EIF2AK4: variants seen among roughly 807,000 people sequenced by gnomAD.
EIF2AK4 encodes the protein eukaryotic translation initiation factor 2 alpha kinase 4, also known as eIF-2-alpha kinase GCN2.
Under a neutral mutation model 211.1 loss-of-function variants are expected in EIF2AK4, and 139 were observed. The observed-to-expected ratio is 0.66, with a 90% CI of 0.57 to 0.76. The LOEUF (loss-of-function observed/expected upper bound fraction) is 0.76, where lower values mean the gene tolerates loss of function less well. EIF2AK4 is among the 30% of genes least tolerant of loss of function. The pLI, the probability that EIF2AK4 is intolerant of heterozygous loss-of-function variation, is 0.00. For missense variants in EIF2AK4, 1,664 were observed against 2,043.8 expected (o/e 0.81, Z 3.58); for synonymous variants, 710 against 751.3 (o/e 0.94, Z 0.90).
intron 33 of EIF2AK4, among the ~76,000 whole-genome samples, chr15:40,027,669 T>A (rs2035482072): frequency 6.6e-6 from 1 of 152,032 alleles, no homozygotes; most frequent in East Asian, 1.9e-4. Context: ...GAAGGGGGGA[T>A]CATGAGGTCA....
chr15:39,983,406 T>C (rs1032592333), intron 13 of EIF2AK4, among the ~76,000 whole-genome samples: 1 of 152,182 alleles, frequency 6.6e-6, no homozygotes, highest in Non-Finnish European at 1.5e-5. Flanking sequence ...GTTTTTTTCT[T>C]GTAAATTTGT....
chr15:39,992,193 G>C lies in EIF2AK4; in HGVS notation c.2650G>C (p.Asp884His). 1 of 1,611,724 alleles carries C rather than the reference G, an allele frequency of 6.2e-7. No homozygotes were observed. The highest frequency in any genetic ancestry group is 1.7e-5 in the Admixed American group (1 of 59,868). The change falls in exon 17 of 39, where the codon GAT becomes CAT. Residue 884 changes from aspartate to histidine, a missense_variant. Transcript: ENST00000263791. ...TTTTTAGGCTGACAGCAAACAAGAC[G>C]ATCAGACAGGAGACTTGATTAAGTC... is the stretch of plus-strand genomic sequence containing the variant. ...LAFSADSKQD[D>H]QTGDLIKSDP... is the part of the protein sequence containing the mutation.
intron 3 of EIF2AK4, among the ~76,000 whole-genome samples, chr15:39,943,933 C>G (rs2034185163): frequency 6.6e-6 from 1 of 151,792 alleles, no homozygotes; most frequent in East Asian, 1.9e-4. Flanking sequence ...CCAGCCTGGG[C>G]CATAGAGCAA....
intron 18 of EIF2AK4, among the ~76,000 whole-genome samples, chr15:39,995,527 T>C (rs1341836659): frequency 6.6e-6 from 1 of 152,188 alleles, no homozygotes; most frequent in Non-Finnish European, 1.5e-5. Flanking sequence ...TTCTCCTTCG[T>C]GGCACCCTAC....
At position 39,969,356 on chromosome 15, in the gene EIF2AK4, C is replaced by CTTTTTT. The variant is rs10550245; in HGVS notation, c.1553+1494_1553+1499dup. ...CTTGAGATCAGCACAATTTCTTATT[C>CTTTTTT]TTTTTTTTTTTTTTTTTTTTTTGAG... On this transcript the variant is annotated intron_variant, in intron 9 of 38. Transcript: ENST00000263791. 4.6e-3 allele frequency among the ~76,000 whole-genome samples: 464 copies of CTTTTTT among 101,190 alleles called. 1 individual carries two copies. The highest frequency in any genetic ancestry group is 6.9e-3 in the Non-Finnish European group (364 of 52,812). 66.4% of individuals were successfully genotyped at this position (101,190 alleles called of 152,430 possible).
Position 40,003,254 on chromosome 15 carries a change from C to T in EIF2AK4, c.3297C>T (p.Asn1099=), listed in dbSNP as rs987445469. The T allele has an allele frequency of 1.1e-5, 18 of 1,614,020 alleles. No homozygotes were observed. Among genetic ancestry groups the T allele is most frequent in the Middle Eastern group, 1.6e-4 (1 of 6,078 alleles). Residue 1099 remains asparagine, a synonymous_variant, in exon 23 of 39, where the codon AAC becomes AAT. Coordinates refer to ENST00000263791, the MANE Select transcript of EIF2AK4 (RefSeq NM_001013703.4). ...LPRNRQIYEH[N]EAALFMDHSG... is the part of the protein sequence containing the mutation. ...GAAACAGACAAATATATGAGCACAA[C>T]GAAGCTGCCCTATTCATGGACCACA...
In EIF2AK4 at chr15:39,976,406, T is replaced by G. The variant is rs763136058; in HGVS notation, c.1819-8T>G. 4 of 1,582,238 alleles carry G rather than the reference T, an allele frequency of 2.5e-6. No individual in the cohort carries two copies. The East Asian group carries it at 9.1e-5, about 36-fold the overall frequency. Reference sequence around the variant, plus strand: ...CGAGCGGCTGACCTTCCCCTGGCTGTGCCGCAGGTGCAGAACAAGTTGGAC... The same window carrying G: ...CGAGCGGCTGACCTTCCCCTGGCTGGGCCGCAGGTGCAGAACAAGTTGGAC... On this transcript the variant is annotated splice_polypyrimidine_tract_variant and splice_region_variant and intron_variant, in intron 11 of 38. Transcript: ENST00000263791.
At chr15:39,969,701 A>G (rs73388521) in intron 9 of EIF2AK4, among the ~76,000 whole-genome samples, 2,388 of 152,200 alleles carry the variant, frequency 0.016, 87 homozygotes, top group African/African-American at 0.055. Flanking sequence ...ACTATTTTGT[A>G]TACTTCTCTC....
rs2140892690 is a variant in EIF2AK4 at position 39,934,200 on chromosome 15, C to T, written c.5C>T (p.Ala2Val). Residue 2 changes from alanine (A) to valine (V), a missense_variant, in exon 1 of 39, where the codon GCT (alanine) becomes GTT (valine). Coordinates refer to ENST00000263791, the MANE Select transcript of EIF2AK4 (RefSeq NM_001013703.4). Reference sequence around the variant, plus strand: ...TGCCTTGGGCGCAGCGCTGCCATGGCTGGGGGCCGTGGGGCCCCCGGGCGC... The same window carrying T: ...TGCCTTGGGCGCAGCGCTGCCATGGTTGGGGGCCGTGGGGCCCCCGGGCGC... MAGGRGAPGRGR... is the reference protein window; with the variant it reads MVGGRGAPGRGR... The T allele has an allele frequency of 6.4e-7, 1 of 1,561,782 alleles. No individual in the cohort carries two copies. Among genetic ancestry groups the T allele is most frequent in the Non-Finnish European group, 8.7e-7 (1 of 1,155,070 alleles).
chr15:39,948,045 AGACTAGTGTT>A (rs2034253696), intron 3 of EIF2AK4, among the ~76,000 whole-genome samples: 2 of 152,246 alleles, frequency 1.3e-5, no homozygotes, highest in Non-Finnish European at 2.9e-5. Flanking sequence ...CTTAGACTGT[AGACTAGTGTT>A]TCTGACTGTA....
At chr15:40,004,790 A>G (rs1476799104) in intron 23 of EIF2AK4, among the ~76,000 whole-genome samples, 1 of 152,202 alleles carries the variant, frequency 6.6e-6, no homozygotes, top group East Asian at 1.9e-4. Flanking sequence ...GCTGGACTCA[A>G]GCAGATCCTT....
chr15:39,969,072 G>A (rs2034584914), intron 9 of EIF2AK4, among the ~76,000 whole-genome samples: 1 of 152,028 alleles, frequency 6.6e-6, no homozygotes, highest in Non-Finnish European at 1.5e-5. Flanking sequence ...TGGCCAAAAT[G>A]ACAAATATGA....
At chr15:40,005,745 G>A (rs991975724) in intron 23 of EIF2AK4, among the ~76,000 whole-genome samples, 2 of 151,536 alleles carry the variant, frequency 1.3e-5, no homozygotes, top group Non-Finnish European at 2.9e-5. Context: ...CTAATTTTTT[G>A]TATTTTTAGT....
In EIF2AK4 at chr15:40,006,951, A is replaced by G. The variant is rs187615304; in HGVS notation, c.3358-65A>G. The G allele has an allele frequency of 4.0e-5, 51 of 1,264,542 alleles. 1 individual carries two copies. The South Asian group carries it at 5.8e-4, about 14-fold the overall frequency. The allele number at this position is 1,264,542 out of a possible 1,614,324, so 78.3% of individuals were successfully genotyped here. On this transcript the variant is annotated intron_variant, in intron 23 of 38. Coordinates refer to ENST00000263791, the MANE Select transcript of EIF2AK4 (RefSeq NM_001013703.4). ...TTTATGGGACAGGAGTTATGTTTCA[A>G]TAAAGCCGCTATTAACAAAAGGCAC...
chr15:40,030,778 T>A lies in EIF2AK4; in HGVS notation c.4659+322T>A, dbSNP rs1169829799. ...TAAATAGCAAAGTAGAAGAGGCCGA[T>A]GACAAGACTTAAGGCAGGCTTCTCA... On this transcript the variant is annotated intron_variant, in intron 35 of 38. Transcript: ENST00000263791. Among the ~76,000 whole-genome samples, 3 of 152,196 alleles carry A rather than the reference T, an allele frequency of 2.0e-5. No individual in the cohort carries two copies. In the East Asian group the frequency reaches 5.8e-4, roughly 29 times the overall value.
chr15:40,033,038 A>T (rs2035564601), intron 37 of EIF2AK4, among the ~76,000 whole-genome samples: 1 of 152,090 alleles, frequency 6.6e-6, no homozygotes, highest in South Asian at 2.1e-4. Context: ...AACAAAAAAC[A>T]AAAACAAAAA....
chr15:39,982,840 T>C (rs7173315), intron 13 of EIF2AK4, among the ~76,000 whole-genome samples: 97,543 of 152,042 alleles, frequency 0.64, 31,366 homozygotes, highest in East Asian at 0.74. Context: ...TAATAGTTTC[T>C]AGCTTCATCC....
chr15:39,967,668 A>G lies in EIF2AK4; in HGVS notation c.1342A>G (p.Lys448Glu). Reference sequence around the variant, plus strand: ...CAAGATTACGGACTATAGCATTTCTAAGCGCCTCGCAGACATTTGCAAGGA... The same window carrying G: ...CAAGATTACGGACTATAGCATTTCTGAGCGCCTCGCAGACATTTGCAAGGA... ...TVKITDYSIS[K>E]RLADICKEDV... is the part of the protein sequence containing the mutation. The change falls in exon 9 of 39, where the codon AAG becomes GAG. Residue 448 changes from lysine to glutamate, a missense_variant. By Grantham distance (56) the Lys-to-Glu change is moderately conservative. Around this residue, in one of 7 missense-constraint regions of EIF2AK4, gnomAD observed 641 missense variants for 729.6 expected, o/e 0.88. Coordinates refer to ENST00000263791, the MANE Select transcript of EIF2AK4 (RefSeq NM_001013703.4). 1 of 1,614,180 alleles carries G rather than the reference A, an allele frequency of 6.2e-7. No homozygotes were observed. The highest frequency in any genetic ancestry group is 8.5e-7 in the Non-Finnish European group (1 of 1,180,030).
At chr15:39,957,846 TG>T (rs1011404973) in intron 6 of EIF2AK4, among the ~76,000 whole-genome samples, 1 of 152,086 alleles carries the variant, frequency 6.6e-6, no homozygotes, top group Non-Finnish European at 1.5e-5. Context: ...TCTTGATCTG[TG>T]GGGTATGTAA....
Sources: gnomAD v4.1 joint callset for allele counts (sites outside exome capture counted in the v4.1 genomes callset) on GRCh38, gnomAD v4.1.1 for gene constraint, gnomAD v4.1.1 regional missense constraint, MANE v1.5 for transcripts, NCBI Gene and HGNC (gene_info 2026-07-23, HGNC 2026-07-21) for gene names.